TMCC1: variants seen among roughly 807,000 people sequenced by gnomAD.
TMCC1 encodes the protein transmembrane and coiled-coil domains protein 1.
A neutral mutation model predicts 52.4 loss-of-function variants in TMCC1; 15 were observed. That is an observed-to-expected ratio of 0.29 (90% CI 0.19 to 0.44). TMCC1 has a LOEUF of 0.44. Ranked by LOEUF, TMCC1 falls within the 20% of genes least tolerant of loss-of-function variation. The pLI, the probability that TMCC1 is intolerant of heterozygous loss-of-function variation, is 1.00. For missense variants in TMCC1, 503 were observed against 806.0 expected (o/e 0.62, Z 4.55); for synonymous variants, 279 against 301.9 (o/e 0.92, Z 0.79).
chr3:129,702,597 T>C (rs1459810296), intron 4 of TMCC1, among the ~76,000 whole-genome samples: 1 of 152,148 alleles, frequency 6.6e-6, no homozygotes, highest in Non-Finnish European at 1.5e-5. Context: ...ACATAAACCA[T>C]TTCTTGAAAT....
intron 4 of TMCC1, among the ~76,000 whole-genome samples, chr3:129,684,497 T>C (rs955471192): frequency 3.3e-5 from 5 of 152,120 alleles, no homozygotes; most frequent in Admixed American, 3.3e-4. Flanking sequence ...TCTCAAAAAT[T>C]ACCTGATCTT....
chr3:129,875,504 A>AC (rs1368859284), intron 2 of TMCC1, among the ~76,000 whole-genome samples: 1 of 150,384 alleles, frequency 6.6e-6, no homozygotes, highest in Non-Finnish European at 1.5e-5. Context: ...AAAAAAAAAA[A>AC]AAAAAAAAAA....
At chr3:129,838,245 T>C (rs755832166) in intron 2 of TMCC1, among the ~76,000 whole-genome samples, 8 of 150,970 alleles carry the variant, frequency 5.3e-5, no homozygotes, top group Non-Finnish European at 1.2e-4. Flanking sequence ...TCCCTAAAAA[T>C]AAACAAAAAA....
intron 4 of TMCC1, among the ~76,000 whole-genome samples, chr3:129,681,872 C>T (rs1424073539): frequency 6.7e-6 from 1 of 149,280 alleles, no homozygotes; most frequent in African/African-American, 2.5e-5. Context: ...CATACCACTG[C>T]ACTCCAGCCT....
At chr3:129,848,670 A>G (rs1405022773) in intron 2 of TMCC1, among the ~76,000 whole-genome samples, 5 of 152,244 alleles carry the variant, frequency 3.3e-5, no homozygotes, top group African/African-American at 1.2e-4. Context: ...AAGAAAATAC[A>G]CAAATCCGTG....
At chr3:129,676,922 C>T (rs2088501778) in intron 4 of TMCC1, among the ~76,000 whole-genome samples, 1 of 152,062 alleles carries the variant, frequency 6.6e-6, no homozygotes, top group Non-Finnish European at 1.5e-5. Flanking sequence ...TTAACCTGGC[C>T]TGTACGTTCA....
intron 4 of TMCC1, among the ~76,000 whole-genome samples, chr3:129,673,071 G>GA (rs2088095412): frequency 6.6e-6 from 1 of 152,086 alleles, no homozygotes; most frequent in Admixed American, 6.6e-5. Context: ...ATTTAATACT[G>GA]AAATTAATGA....
At chr3:129,716,757 A>G (rs1007407139) in intron 4 of TMCC1, among the ~76,000 whole-genome samples, 1 of 152,074 alleles carries the variant, frequency 6.6e-6, no homozygotes, top group African/African-American at 2.4e-5. Flanking sequence ...ACTGCGTGCC[A>G]TTCATGCCAA....
rs1203989103 is a variant in TMCC1 at position 129,649,664 on chromosome 3, T to C, written c.*1817A>G. The C allele has an allele frequency of 6.6e-6, 1 of 152,622 alleles. No homozygotes were observed. Among genetic ancestry groups the C allele is most frequent in the African/African-American group, 2.4e-5 (1 of 41,448 alleles). The allele number at this position is 152,622 out of a possible 1,614,324, so 9.5% of individuals were successfully genotyped here. A position where few individuals can be genotyped will look rare whatever the true frequency, so the allele number is the denominator to read the frequency against. On this transcript the variant is annotated 3_prime_UTR_variant, in exon 7 of 7. Transcript: ENST00000393238. ...CTGTCCTTTCAGACAGGCAGGGCAA[T>C]GCTAATCTAGTTCTGAAGGAATTTC... is the stretch of plus-strand genomic sequence containing the variant.
intron 5 of TMCC1, among the ~76,000 whole-genome samples, chr3:129,664,851 G>A (rs937870972): frequency 1.3e-5 from 2 of 152,126 alleles, no homozygotes; most frequent in African/African-American, 2.4e-5. Context: ...TCAGTTTCTA[G>A]CAGCAAATTA....
chr3:129,864,966 C>T (rs1400622384), intron 2 of TMCC1, among the ~76,000 whole-genome samples: 1 of 152,180 alleles, frequency 6.6e-6, no homozygotes, highest in Non-Finnish European at 1.5e-5. Flanking sequence ...GAAATGCCTA[C>T]TAGGCGTCCA....
At chr3:129,827,751 CTAGG>C in intron 4 of TMCC1, 48 bp downstream of exon 4, 1 of 1,575,376 alleles carries the variant, frequency 6.3e-7, no homozygotes, top group African/African-American at 1.3e-5. Flanking sequence ...CTGGAGAGTC[CTAGG>C]TATGAAAAAC....
At chr3:129,864,176 G>A (rs2060520889) in intron 2 of TMCC1, among the ~76,000 whole-genome samples, 1 of 151,930 alleles carries the variant, frequency 6.6e-6, no homozygotes, top group South Asian at 2.1e-4. Context: ...AGAAGGTTGG[G>A]AGCCCACATA....
chr3:129,807,331 T>C (rs994570170), intron 4 of TMCC1, among the ~76,000 whole-genome samples: 1 of 152,192 alleles, frequency 6.6e-6, no homozygotes, highest in Non-Finnish European at 1.5e-5. Flanking sequence ...TTATTTTATA[T>C]GAATAAAATA....
intron 4 of TMCC1, among the ~76,000 whole-genome samples, chr3:129,796,279 G>A (rs1336966054): frequency 6.6e-6 from 1 of 152,164 alleles, no homozygotes; most frequent in Admixed American, 6.5e-5. Context: ...GCCGAGGTGT[G>A]TAGTAGGTTA....
At chr3:129,785,560 TAC>T (rs10656814) in intron 4 of TMCC1, among the ~76,000 whole-genome samples, 16,613 of 145,780 alleles carry the variant, frequency 0.11, 1,126 homozygotes, top group African/African-American at 0.2. Flanking sequence ...TCAATATACA[TAC>T]ACACACACAC....
At chr3:129,702,918 A>G (rs1408255043) in intron 4 of TMCC1, among the ~76,000 whole-genome samples, 1 of 152,190 alleles carries the variant, frequency 6.6e-6, no homozygotes, top group Non-Finnish European at 1.5e-5. Flanking sequence ...TGGAAGGCTG[A>G]GGCAGGAGAA....
intron 4 of TMCC1, among the ~76,000 whole-genome samples, chr3:129,808,686 T>A (rs1041691851): frequency 4.0e-5 from 6 of 151,188 alleles, no homozygotes; most frequent in Non-Finnish European, 8.8e-5. Context: ...ATATTTACAT[T>A]GGCATAATGT....
chr3:129,724,045 G>C (rs796755068), intron 4 of TMCC1, among the ~76,000 whole-genome samples: 23 of 151,956 alleles, frequency 1.5e-4, no homozygotes, highest in African/African-American at 5.3e-4. Flanking sequence ...GTTTCTCCCA[G>C]ATTTGAACAT....
Sources: allele counts gnomAD v4.1 joint callset (sites outside exome capture counted in the v4.1 genomes callset), GRCh38; gene constraint gnomAD v4.1.1; transcripts MANE v1.5; gene names NCBI Gene and HGNC (gene_info 2026-07-23, HGNC 2026-07-21).